The following NCKAP5 variants were observed in gnomAD, a reference collection of about 807,000 sequenced individuals.
The protein encoded by NCKAP5 is NCK associated protein 5, also known as nck-associated protein 5.
NCKAP5 carries 92 observed loss-of-function variants against 167.0 expected under a neutral mutation model. The observed-to-expected ratio is 0.55, with a 90% CI of 0.47 to 0.66. NCKAP5 has a LOEUF of 0.66. NCKAP5 is among the 30% of genes least tolerant of loss of function. The pLI is 0.00. For missense variants in NCKAP5, 2,378 were observed against 2,315.0 expected, an observed-to-expected ratio of 1.03 and a Z score of -0.56; for synonymous variants, 891 against 877.4, an observed-to-expected ratio of 1.02 and a Z score of -0.27.
At chr2:133,293,534 T>A (rs957899392) in intron 4 of NCKAP5, among the ~76,000 whole-genome samples, 1 of 152,208 alleles carries the variant, frequency 6.6e-6, no homozygotes, top group Admixed American at 6.5e-5. Context: ...GAAAGGTTCT[T>A]GGAAGACAGT....
chr2:132,935,266 G>T (rs2149076262), intron 8 of NCKAP5, among the ~76,000 whole-genome samples: 1 of 152,288 alleles, frequency 6.6e-6, no homozygotes, highest in African/African-American at 2.4e-5. Flanking sequence ...TTAACTCATG[G>T]AAAGAGAAAA....
At chr2:133,192,878 A>C (rs749409623) in intron 5 of NCKAP5, among the ~76,000 whole-genome samples, 52 of 152,100 alleles carry the variant, frequency 3.4e-4, no homozygotes, top group Admixed American at 2.8e-3. Context: ...AACTTAGCAC[A>C]CTGCAATCCC....
At position 132,782,177 on chromosome 2, in the gene NCKAP5, C is replaced by T. The variant is rs1302501857; in HGVS notation, c.4634G>A (p.Arg1545Lys). The change falls in exon 14 of 20, where the codon AGA (arginine) becomes AAA (lysine). Residue 1545 changes from arginine (R) to lysine (K), a missense_variant. Arg to Lys is a conservative substitution (Grantham distance 26, BLOSUM62 2). Transcript: ENST00000409261. ...KDAKVLGFGN[R>K]QLKSERKKEK... Reference sequence around the variant, plus strand: ...TTTTTTTCTTTCTGATTTTAGTTGTCTGTTTCCAAACCCCAAGACTTTTGC... The same window carrying T: ...TTTTTTTCTTTCTGATTTTAGTTGTTTGTTTCCAAACCCCAAGACTTTTGC... The T allele has an allele frequency of 6.2e-7, 1 of 1,610,652 alleles. No homozygotes were observed.
At chr2:133,571,181 C>G (rs1184104679), upstream of NCKAP5, among the ~76,000 whole-genome samples, 1 of 150,620 alleles carries the variant, frequency 6.6e-6, no homozygotes, top group East Asian at 2.0e-4. Context: ...GAAAGCATAG[C>G]CCATGTTTCC....
intron 6 of NCKAP5, among the ~76,000 whole-genome samples, chr2:133,043,407 G>A (rs187184856): frequency 7.4e-4 from 112 of 152,188 alleles, no homozygotes; most frequent in Non-Finnish European, 1.4e-3. Context: ...TTGCCTGAAC[G>A]TATTCTTTAA....
intron 3 of NCKAP5, among the ~76,000 whole-genome samples, chr2:133,496,169 T>A (rs764329182): frequency 2.0e-5 from 3 of 152,106 alleles, no homozygotes; most frequent in Non-Finnish European, 2.9e-5. Flanking sequence ...TACGAAGGGA[T>A]TACAAAGAAA....
At chr2:133,206,197 T>A (rs1361956686) in intron 5 of NCKAP5, among the ~76,000 whole-genome samples, 11 of 152,200 alleles carry the variant, frequency 7.2e-5, no homozygotes, top group African/African-American at 2.2e-4. Context: ...ATATCCTTTA[T>A]CAATTTAAGG....
intron 5 of NCKAP5, among the ~76,000 whole-genome samples, chr2:133,173,883 C>T (rs1481142589): frequency 6.6e-6 from 1 of 152,092 alleles, no homozygotes; most frequent in Non-Finnish European, 1.5e-5. Flanking sequence ...AAAATCTGGA[C>T]ACTGGGATAG....
chr2:132,791,200 G>A (rs12479319), intron 12 of NCKAP5, among the ~76,000 whole-genome samples: 26 of 152,152 alleles, frequency 1.7e-4, no homozygotes, highest in Admixed American at 1.4e-3. Context: ...ACAACCAGAT[G>A]CCCATTGCCT....
chr2:132,731,685 C>G (rs1284506937), intron 17 of NCKAP5, 52 bp downstream of exon 17: 2 of 1,510,808 alleles, frequency 1.3e-6, no homozygotes, highest in Admixed American at 4.5e-5. Flanking sequence ...GAAAAGTTTC[C>G]CTTTTTTTTG....
chr2:133,258,627 C>T (rs926381856), intron 4 of NCKAP5, among the ~76,000 whole-genome samples: 1 of 151,932 alleles, frequency 6.6e-6, no homozygotes, highest in African/African-American at 2.4e-5. Context: ...TGCCTATAGT[C>T]GCAGCTACTA....
intron 2 of NCKAP5, among the ~76,000 whole-genome samples, chr2:133,542,970 TA>T (rs1224267966): frequency 6.6e-6 from 1 of 152,206 alleles, no homozygotes; most frequent in Non-Finnish European, 1.5e-5. Context: ...TGTAGATTGT[TA>T]TAAGTATTAA....
intron 3 of NCKAP5, among the ~76,000 whole-genome samples, chr2:133,386,181 A>G (rs1686952870): frequency 6.6e-6 from 1 of 152,148 alleles, no homozygotes; most frequent in South Asian, 2.1e-4. Context: ...TCTTGTGGGC[A>G]TTTAGTGCTA....
intron 4 of NCKAP5, among the ~76,000 whole-genome samples, chr2:133,252,229 C>T (rs1175104794): frequency 6.6e-6 from 1 of 152,002 alleles, no homozygotes; most frequent in African/African-American, 2.4e-5. Flanking sequence ...TGCTTATTAT[C>T]AATGAGGAGA....
chr2:133,055,382 A>G (rs1353863047), intron 6 of NCKAP5, among the ~76,000 whole-genome samples: 1 of 151,978 alleles, frequency 6.6e-6, no homozygotes, highest in Non-Finnish European at 1.5e-5. Context: ...GAAGCAGTTC[A>G]TTTTTATCTT....
chr2:133,584,117 T>C, the NCKAP5 span, among the ~76,000 whole-genome samples: 75 of 152,340 alleles, frequency 4.9e-4, 2 homozygotes, highest in Middle Eastern at 3.4e-3. Flanking sequence ...GTTACTTTTA[T>C]ACATGGAGGA....
At chr2:133,207,864 T>C (rs2086024455) in intron 5 of NCKAP5, among the ~76,000 whole-genome samples, 1 of 152,160 alleles carries the variant, frequency 6.6e-6, no homozygotes, top group Admixed American at 6.5e-5. Flanking sequence ...ATAATTTCTG[T>C]AGATATTCCA....
intron 6 of NCKAP5, among the ~76,000 whole-genome samples, chr2:133,097,798 G>A (rs1246474874): frequency 1.3e-5 from 2 of 152,136 alleles, no homozygotes; most frequent in Non-Finnish European, 2.9e-5. Flanking sequence ...GACATAGAGA[G>A]GAAAGAACAT....
intron 5 of NCKAP5, among the ~76,000 whole-genome samples, chr2:133,193,408 G>A (rs2085312336): frequency 6.6e-6 from 1 of 151,970 alleles, no homozygotes. Context: ...TGGGTAAAGG[G>A]TCCTCTGGGC....
Sources: gnomAD v4.1 joint callset for allele counts (sites outside exome capture counted in the v4.1 genomes callset) on GRCh38, gnomAD v4.1.1 for gene constraint, MANE v1.5 for transcripts, NCBI Gene and HGNC (gene_info 2026-07-23, HGNC 2026-07-21) for gene names.